FBXL17: variants seen among roughly 807,000 people sequenced by gnomAD.
FBXL17 encodes F-box and leucine rich repeat protein 17.
FBXL17 carries 22 observed loss-of-function variants against 66.2 expected under a neutral mutation model. That is an observed-to-expected ratio of 0.33 (90% CI 0.24 to 0.47). FBXL17 has a LOEUF of 0.47. Among genes scored for constraint, FBXL17 ranks in the 20% least tolerant of loss-of-function variants. The probability of loss-of-function intolerance (pLI) is 1.00; values close to 1 mark genes in which losing one functional copy is unlikely to be tolerated. For synonymous variants in FBXL17, 474 were observed against 400.5 expected (o/e 1.18, Z -2.19); for missense variants, 878 against 948.2 (o/e 0.93, Z 0.97).
In FBXL17 at chr5:108,224,302, C is replaced by T. The variant is rs910475913; in HGVS notation, c.1507-74G>A. On this transcript the variant is annotated intron_variant, in intron 4 of 8. Transcript: ENST00000542267. Reference sequence around the variant, plus strand: ...CTCAAGGATTTGGCTCCTGAAAATCCTCTCAGCCCCACCTTGCATCATTAC... The same window carrying T: ...CTCAAGGATTTGGCTCCTGAAAATCTTCTCAGCCCCACCTTGCATCATTAC... 7.0e-6 allele frequency: 5 copies of T among 711,028 alleles called. No individual in the cohort carries two copies. The Admixed American group carries it at 1.1e-4, about 16-fold the overall frequency. 44.0% of individuals were successfully genotyped at this position (711,028 alleles called of 1,614,324 possible). A position where few individuals can be genotyped will look rare whatever the true frequency, so the allele number is the denominator to read the frequency against.
At chr5:108,305,659 G>A (rs552768214) in intron 4 of FBXL17, among the ~76,000 whole-genome samples, 83 of 152,168 alleles carry the variant, frequency 5.5e-4, no homozygotes, top group African/African-American at 2.0e-3. Flanking sequence ...GGATAGCTAA[G>A]ACTACAAGTT....
chr5:108,136,199 C>A (rs569473037), intron 6 of FBXL17, among the ~76,000 whole-genome samples: 1 of 152,136 alleles, frequency 6.6e-6, no homozygotes, highest in East Asian at 1.9e-4. Context: ...AGACCTTAAA[C>A]CTTCTTTTTG....
chr5:108,132,751 T>C (rs541070385), intron 6 of FBXL17, among the ~76,000 whole-genome samples: 3 of 152,188 alleles, frequency 2.0e-5, no homozygotes, highest in Non-Finnish European at 2.9e-5. Flanking sequence ...ATAATGATGG[T>C]CTTACCATAC....
chr5:108,096,027 A>G (rs983191089), intron 6 of FBXL17, among the ~76,000 whole-genome samples: 1 of 152,214 alleles, frequency 6.6e-6, no homozygotes, highest in Non-Finnish European at 1.5e-5. Flanking sequence ...TACCATATCA[A>G]TCTAGTTATC....
At chr5:108,191,243 C>T (rs1042654978) in intron 5 of FBXL17, among the ~76,000 whole-genome samples, 1 of 152,154 alleles carries the variant, frequency 6.6e-6, no homozygotes, top group Non-Finnish European at 1.5e-5. Context: ...ATATCTCCTA[C>T]ACATGCATAT....
At chr5:108,113,464 C>G (rs1452498030) in intron 6 of FBXL17, among the ~76,000 whole-genome samples, 1 of 151,804 alleles carries the variant, frequency 6.6e-6, no homozygotes, top group Non-Finnish European at 1.5e-5. Context: ...ATAAATTTTT[C>G]TTCCAGTGTA....
intron 7 of FBXL17, among the ~76,000 whole-genome samples, chr5:108,004,814 G>A (rs1195748910): frequency 1.3e-5 from 2 of 151,976 alleles, no homozygotes; most frequent in African/African-American, 4.8e-5. Context: ...TCAAACTAGT[G>A]GGAAATACTT....
intron 8 of FBXL17, among the ~76,000 whole-genome samples, chr5:107,872,088 T>G (rs568994031): frequency 2.0e-5 from 3 of 152,336 alleles, no homozygotes; most frequent in African/African-American, 7.2e-5. Context: ...CTAAGACAAA[T>G]TTATGATCAG....
At chr5:108,101,950 G>A (rs1416327963) in intron 6 of FBXL17, among the ~76,000 whole-genome samples, 3 of 152,170 alleles carry the variant, frequency 2.0e-5, no homozygotes, top group Admixed American at 6.5e-5. Context: ...TGGCACATTT[G>A]ACAGAGACCT....
intron 4 of FBXL17, among the ~76,000 whole-genome samples, chr5:108,290,720 C>A (rs546277651): frequency 3.3e-5 from 5 of 152,218 alleles, no homozygotes; most frequent in Middle Eastern, 3.4e-3. Context: ...TATCTTTCAA[C>A]AAAGTTGTAT....
chr5:108,367,802 T>A (rs183744963), intron 2 of FBXL17, 29 bp downstream of exon 2: 5 of 1,536,902 alleles, frequency 3.3e-6, no homozygotes, highest in South Asian at 2.4e-5. Context: ...GTAGGTCATA[T>A]GAGTGTTACT....
At chr5:108,251,420 G>C (rs1316294048) in intron 4 of FBXL17, among the ~76,000 whole-genome samples, 3 of 151,952 alleles carry the variant, frequency 2.0e-5, no homozygotes, top group Non-Finnish European at 4.4e-5. Flanking sequence ...AATTAAGTCT[G>C]TTCCCTTTCA....
At chr5:108,225,332 A>G (rs1252271894) in intron 4 of FBXL17, among the ~76,000 whole-genome samples, 1 of 152,170 alleles carries the variant, frequency 6.6e-6, no homozygotes, top group Non-Finnish European at 1.5e-5. Flanking sequence ...TAAGATTCAT[A>G]TTTTGAAATC....
intron 7 of FBXL17, among the ~76,000 whole-genome samples, chr5:107,992,417 A>G (rs1483333956): frequency 1.3e-5 from 2 of 152,180 alleles, no homozygotes; most frequent in Non-Finnish European, 2.9e-5. Flanking sequence ...TGGAACTACA[A>G]TCAGAAAAAT....
chr5:108,100,065 G>T (rs1376727919), intron 6 of FBXL17, among the ~76,000 whole-genome samples: 1 of 152,014 alleles, frequency 6.6e-6, no homozygotes, highest in Non-Finnish European at 1.5e-5. Context: ...AATGACCTAA[G>T]CATTTCAGGT....
At chr5:108,263,078 C>T (rs1255260380) in intron 4 of FBXL17, among the ~76,000 whole-genome samples, 1 of 152,138 alleles carries the variant, frequency 6.6e-6, no homozygotes, top group Non-Finnish European at 1.5e-5. Flanking sequence ...CTACCCAAAA[C>T]TCGTGAACCA....
chr5:107,901,441 TTAATGA>T (rs1294578158), intron 7 of FBXL17, among the ~76,000 whole-genome samples: 6 of 152,180 alleles, frequency 3.9e-5, no homozygotes, highest in Admixed American at 1.3e-4. Context: ...AAACTTTTAC[TTAATGA>T]TAATGATTTC....
chr5:108,023,737 C>T (rs1417880039), intron 6 of FBXL17, among the ~76,000 whole-genome samples: 1 of 152,100 alleles, frequency 6.6e-6, no homozygotes, highest in East Asian at 1.9e-4. Context: ...AAAATCAGAG[C>T]AATTCCCAGC....
intron 6 of FBXL17, among the ~76,000 whole-genome samples, chr5:108,069,284 T>C (rs1748241710): frequency 6.6e-6 from 1 of 152,206 alleles, no homozygotes; most frequent in South Asian, 2.1e-4. Flanking sequence ...AAGGTGGATA[T>C]CAAAGATTTA....
Sources: gnomAD v4.1 joint callset for allele counts (sites outside exome capture counted in the v4.1 genomes callset) on GRCh38, gnomAD v4.1.1 for gene constraint, MANE v1.5 for transcripts, NCBI Gene and HGNC (gene_info 2026-07-23, HGNC 2026-07-21) for gene names.